Variants in SLC38A4 observed in about 807,000 individuals in gnomAD.
SLC38A4 encodes the protein sodium-coupled neutral amino acid transporter 4.
Under a neutral mutation model 63.1 loss-of-function variants are expected in SLC38A4, and 20 were observed. The observed-to-expected ratio is 0.32, with a 90% confidence interval of 0.22 to 0.46. The LOEUF (loss-of-function observed/expected upper bound fraction) is 0.46, where lower values mean the gene tolerates loss of function less well. Among genes scored for constraint, SLC38A4 ranks in the 20% least tolerant of loss-of-function variants. The probability of loss-of-function intolerance (pLI) is 1.00; values close to 1 mark genes in which losing one functional copy is unlikely to be tolerated. For synonymous variants in SLC38A4, 230 were observed against 225.5 expected (o/e 1.02, Z -0.18); for missense variants, 526 against 663.6 (o/e 0.79, Z 2.28).
chr12:46,784,294 C>A (rs937384730), intron 7 of SLC38A4, among the ~76,000 whole-genome samples: 1 of 151,938 alleles, frequency 6.6e-6, no homozygotes, highest in African/African-American at 2.4e-5. Flanking sequence ...ATCAAGAAAG[C>A]TTTTATTTTA....
rs182867272 is a variant in SLC38A4 at position 46,787,177 on chromosome 12, A to G, written c.326+739T>C. The stretch of plus-strand genomic sequence containing the variant: ...AGGAATAAGGTTTGGTCACTCAACA[A>G]ATATTGCCTGTACCAGGCACTGCTC... On this transcript the variant is annotated intron_variant, in intron 5 of 16. Coordinates refer to ENST00000266579, the MANE Select transcript of SLC38A4 (RefSeq NM_018018.5). 1.1e-3 allele frequency among the ~76,000 whole-genome samples: 172 copies of G among 152,336 alleles called. 3 individuals carry two copies. The highest frequency in any genetic ancestry group is 3.6e-3 in the African/African-American group (151 of 41,578).
intron 1 of SLC38A4, among the ~76,000 whole-genome samples, chr12:46,806,814 T>C (rs1161769939): frequency 6.6e-6 from 1 of 152,052 alleles, no homozygotes; most frequent in Non-Finnish European, 1.5e-5. Flanking sequence ...AATGTAATGT[T>C]ATCTATTGAA....
At chr12:46,779,702 A>G (rs768179636) in intron 9 of SLC38A4, 33 bp from the exon 10 acceptor site, 3 of 1,593,572 alleles carry the variant, frequency 1.9e-6, no homozygotes, top group South Asian at 2.3e-5. Flanking sequence ...TGGAAGGTGA[A>G]TATGGCATCT....
At chr12:46,790,895 T>C (rs958787305) in intron 3 of SLC38A4, among the ~76,000 whole-genome samples, 6 of 151,626 alleles carry the variant, frequency 4.0e-5, no homozygotes, top group Non-Finnish European at 8.8e-5. Flanking sequence ...AAACCACACA[T>C]AGATAAAACC....
chr12:46,789,993 G>A lies in SLC38A4; in HGVS notation c.120-1375C>T, dbSNP rs370510510. 2.8e-4 allele frequency among the ~76,000 whole-genome samples: 43 copies of A among 152,250 alleles called. No individual in the cohort carries two copies. The South Asian group carries it at 7.3e-3, about 26-fold the overall frequency. On this transcript the variant is annotated intron_variant, in intron 3 of 16. Transcript: ENST00000266579. ...CTCAGGAGGCTGAAGCAGGAGAATC[G>A]CTTGAACCTGGGAGGCAGAGGTTGC...
intron 16 of SLC38A4, among the ~76,000 whole-genome samples, chr12:46,767,867 G>A (rs1938331227): frequency 6.6e-6 from 1 of 152,046 alleles, no homozygotes. Flanking sequence ...GTCCACACCA[G>A]GGACAACAGG....
At chr12:46,766,865 G>T in intron 16 of SLC38A4, 63 bp from the exon 17 acceptor site, 1 of 1,154,222 alleles carries the variant, frequency 8.7e-7, no homozygotes, top group Non-Finnish European at 1.3e-6. Flanking sequence ...TTGTTTTTTA[G>T]TTGTTTACAT....
chr12:46,778,878 C>T (rs1938583939), intron 10 of SLC38A4, 102 bp from the exon 11 acceptor site: 1 of 1,033,230 alleles, frequency 9.7e-7, no homozygotes, highest in Admixed American at 2.4e-5. Context: ...GGTGAGGGAA[C>T]TCAGTTAGGG....
At chr12:46,787,195 C>A (rs138710218) in intron 5 of SLC38A4, among the ~76,000 whole-genome samples, 10 of 152,352 alleles carry the variant, frequency 6.6e-5, no homozygotes, top group African/African-American at 2.4e-4. Context: ...CTGTACCAGG[C>A]ACTGCTCTAG....
At chr12:46,796,928 C>T (rs1939020365) in intron 2 of SLC38A4, among the ~76,000 whole-genome samples, 1 of 152,068 alleles carries the variant, frequency 6.6e-6, no homozygotes, top group Non-Finnish European at 1.5e-5. Flanking sequence ...TGCAGGGCTC[C>T]CTATGGGAAA....
rs943141934 is a variant in SLC38A4 at position 46,771,800 on chromosome 12, T to C, written c.1300-2372A>G. Among the ~76,000 whole-genome samples, 5 of 152,092 alleles carry C rather than the reference T, an allele frequency of 3.3e-5. No homozygotes were observed. In the East Asian group the frequency reaches 9.7e-4, roughly 29 times the overall value. ...AGCCCCCAGCAGTTCTGTTTACCTT[T>C]GCTAGGGCAGACCACTGGCTGATTC... On this transcript the variant is annotated intron_variant, in intron 14 of 16. Coordinates refer to ENST00000266579, the MANE Select transcript of SLC38A4 (RefSeq NM_018018.5).
chr12:46,777,987 C>T (rs919010089), intron 12 of SLC38A4, among the ~76,000 whole-genome samples: 1 of 151,908 alleles, frequency 6.6e-6, no homozygotes, highest in Non-Finnish European at 1.5e-5. Flanking sequence ...TTCTTCCGAA[C>T]AAAATTCAAA....
intron 1 of SLC38A4, among the ~76,000 whole-genome samples, chr12:46,815,688 A>C (rs1433041332): frequency 1.3e-5 from 2 of 151,932 alleles, no homozygotes; most frequent in African/African-American, 4.8e-5. Context: ...CAGAATAACG[A>C]TCAAATATTA....
chr12:46,813,480 C>T (rs923259395), intron 1 of SLC38A4, among the ~76,000 whole-genome samples: 1 of 151,934 alleles, frequency 6.6e-6, no homozygotes, highest in Non-Finnish European at 1.5e-5. Context: ...GGATCCAATC[C>T]CCACTCTGCT....
At chr12:46,825,486 C>T (rs998723594) in intron 1 of SLC38A4, among the ~76,000 whole-genome samples, 1 of 152,196 alleles carries the variant, frequency 6.6e-6, no homozygotes, top group Non-Finnish European at 1.5e-5. Context: ...GTAATGACTG[C>T]ATTCTCAGGA....
chr12:46,813,785 C>G (rs372256682), intron 1 of SLC38A4, among the ~76,000 whole-genome samples: 1 of 151,954 alleles, frequency 6.6e-6, no homozygotes, highest in African/African-American at 2.4e-5. Flanking sequence ...CCTCAGTTTC[C>G]GCATCTACAA....
chr12:46,799,691 A>T (rs1939091193), intron 2 of SLC38A4, among the ~76,000 whole-genome samples: 1 of 152,164 alleles, frequency 6.6e-6, no homozygotes, highest in Non-Finnish European at 1.5e-5. Flanking sequence ...AGATTATATC[A>T]CTGATCTATT....
chr12:46,827,247 A>G (rs187836951), upstream of SLC38A4, among the ~76,000 whole-genome samples: 32 of 152,288 alleles, frequency 2.1e-4, no homozygotes, highest in African/African-American at 7.5e-4. Context: ...TGTTTTAGTT[A>G]TGATAGAGGA....
chr12:46,792,949 A>G lies in SLC38A4; in HGVS notation c.119+4T>C, dbSNP rs905531587. 3 of 1,606,976 alleles carry G rather than the reference A, an allele frequency of 1.9e-6. No individual in the cohort carries two copies. The highest frequency in any genetic ancestry group is 1.1e-5 in the South Asian group (1 of 90,900). ...ATGGAACATAGTAATTTTTAACCCC[A>G]TACCTGCTCATTGCTGCCTTTTCTG... On this transcript the variant is annotated splice_donor_region_variant and intron_variant, in intron 3 of 16. Coordinates refer to ENST00000266579, the MANE Select transcript of SLC38A4 (RefSeq NM_018018.5).
Sources: gnomAD v4.1 joint callset for allele counts (sites outside exome capture counted in the v4.1 genomes callset) on GRCh38, gnomAD v4.1.1 for gene constraint, MANE v1.5 for transcripts, NCBI Gene and HGNC (gene_info 2026-07-23, HGNC 2026-07-21) for gene names.